The following DCC variants were observed in gnomAD, a reference collection of about 807,000 sequenced individuals.
DCC encodes the protein DCC netrin 1 receptor.
Under a neutral mutation model 172.5 loss-of-function variants are expected in DCC, and 58 were observed. The observed-to-expected ratio is 0.34, with a 90% CI of 0.27 to 0.42. The LOEUF (loss-of-function observed/expected upper bound fraction) is 0.42. Ranked by LOEUF, DCC falls within the 10% of genes least tolerant of loss-of-function variation. DCC has a pLI of 1.00. For synonymous variants in DCC, 709 were observed against 644.5 expected (o/e 1.10, Z -1.52); for missense variants, 1,740 against 1,791.0 (o/e 0.97, Z 0.51).
At chr18:52,847,044 G>C (rs767926619) in intron 2 of DCC, among the ~76,000 whole-genome samples, 8 of 152,158 alleles carry the variant, frequency 5.3e-5, no homozygotes, top group Non-Finnish European at 8.8e-5. Flanking sequence ...TTTTTAAATG[G>C]AACGCTTTCT....
At chr18:52,467,886 G>A (rs4641846) in intron 1 of DCC, among the ~76,000 whole-genome samples, 25,658 of 152,010 alleles carry the variant, frequency 0.17, 2,194 homozygotes, top group Middle Eastern at 0.27. Context: ...CCCACTTTAT[G>A]ATGGGACTGT....
At chr18:52,635,884 G>A (rs4402664) in intron 1 of DCC, among the ~76,000 whole-genome samples, 5,218 of 152,200 alleles carry the variant, frequency 0.034, 201 homozygotes, top group African/African-American at 0.096. Context: ...CAGAGCAGCC[G>A]GCAGCGGCTC....
intron 5 of DCC, among the ~76,000 whole-genome samples, chr18:52,970,139 T>A (rs1301759874): frequency 6.6e-6 from 1 of 152,152 alleles, no homozygotes; most frequent in African/African-American, 2.4e-5. Flanking sequence ...GATATATATT[T>A]ACATACCTAC....
intron 7 of DCC, among the ~76,000 whole-genome samples, chr18:53,089,594 AC>A (rs201068953): frequency 2.7e-5 from 3 of 110,694 alleles, no homozygotes; most frequent in South Asian, 2.6e-4. Flanking sequence ...AAACCAAAAA[AC>A]AAAAAACAAA....
chr18:53,282,371 T>A (rs541582959), intron 12 of DCC, among the ~76,000 whole-genome samples: 1 of 152,262 alleles, frequency 6.6e-6, no homozygotes, highest in African/African-American at 2.4e-5. Context: ...TCTCCTTTTT[T>A]ATCCCTTAAC....
intron 12 of DCC, among the ~76,000 whole-genome samples, chr18:53,231,573 A>G (rs2056122251): frequency 2.0e-5 from 3 of 152,100 alleles, no homozygotes; most frequent in African/African-American, 7.2e-5. Context: ...GGCTGTTTTT[A>G]TGATTAATTC....
chr18:52,874,099 A>G (rs2039364296), intron 2 of DCC, among the ~76,000 whole-genome samples: 1 of 152,170 alleles, frequency 6.6e-6, no homozygotes. Flanking sequence ...AGATGAAGTT[A>G]AATTCCTTAT....
rs762923561 is a variant in DCC at position 53,339,892 on chromosome 18, T to G, written c.2344T>G (p.Ser782Ala). The change falls in exon 15 of 29, where the codon TCC becomes GCC. Residue 782 changes from serine to alanine, a missense_variant. Ser to Ala is a moderately conservative substitution (Grantham distance 99). Coordinates refer to ENST00000442544, the MANE Select transcript of DCC (RefSeq NM_005215.4). ...TGTGGACAGCAAGCAGCGATATTAT[T>G]CCATTGAGAGGTTAGGTGAGTATCT... ...VRVDSKQRYYSIERLESSSHY... is the reference protein window; with the variant it reads ...VRVDSKQRYYAIERLESSSHY... 1.2e-6 allele frequency: 2 copies of G among 1,613,542 alleles called. No individual in the cohort carries two copies. The highest frequency in any genetic ancestry group is 1.7e-6 in the Non-Finnish European group (2 of 1,179,694).
intron 5 of DCC, among the ~76,000 whole-genome samples, chr18:52,927,450 C>A: frequency 6.6e-6 from 1 of 151,718 alleles, no homozygotes; most frequent in African/African-American, 2.4e-5. Context: ...GAAGTGAATA[C>A]TTTTGGTATC....
At chr18:53,389,511 A>T (rs1908406754) in intron 16 of DCC, among the ~76,000 whole-genome samples, 1 of 152,160 alleles carries the variant, frequency 6.6e-6, no homozygotes, top group African/African-American at 2.4e-5. Flanking sequence ...CAGGAAGTGA[A>T]TTTTTTGTTA....
intron 1 of DCC, among the ~76,000 whole-genome samples, chr18:52,641,212 A>T (rs147336441): frequency 6.6e-6 from 1 of 152,230 alleles, no homozygotes; most frequent in Non-Finnish European, 1.5e-5. Flanking sequence ...CATAAAAATC[A>T]ACTCAAGATG....
At chr18:53,221,836 G>A (rs1197829930) in intron 12 of DCC, among the ~76,000 whole-genome samples, 1 of 152,162 alleles carries the variant, frequency 6.6e-6, no homozygotes, top group Non-Finnish European at 1.5e-5. Flanking sequence ...AGGAAGAGAT[G>A]CCTCACTTCC....
At chr18:52,486,519 GAAAC>G (rs376496736) in intron 1 of DCC, among the ~76,000 whole-genome samples, 39 of 152,190 alleles carry the variant, frequency 2.6e-4, no homozygotes, top group East Asian at 1.2e-3. Flanking sequence ...TGATAGCAAA[GAAAC>G]AAACAATCAC....
intron 1 of DCC, among the ~76,000 whole-genome samples, chr18:52,478,626 T>C (rs978737703): frequency 1.3e-5 from 2 of 152,172 alleles, no homozygotes; most frequent in African/African-American, 4.8e-5. Context: ...GCTCAGCTTC[T>C]GGGGAAGCCT....
At chr18:53,153,338 G>C (rs1190471308) in intron 7 of DCC, among the ~76,000 whole-genome samples, 1 of 152,054 alleles carries the variant, frequency 6.6e-6, no homozygotes, top group Non-Finnish European at 1.5e-5. Flanking sequence ...TACTGATGAA[G>C]GAGGGATTTG....
In DCC at chr18:52,340,865, T is replaced by G; in HGVS notation, c.78T>G (p.His26Gln). The G allele has an allele frequency of 6.2e-7, 1 of 1,613,620 alleles. No individual in the cohort carries two copies. Among genetic ancestry groups the G allele is most frequent in the South Asian group, 1.1e-5 (1 of 91,070 alleles). ...TCGGAGCTTCCTTGTTCAGCGCGCA[T>G]CTTCAAGTAACCGGTAAGTGGCTCT... ...VLFGASLFSAHLQVTGFQIKA... is the reference protein window; with the variant it reads ...VLFGASLFSAQLQVTGFQIKA... The change falls in exon 1 of 29, where the codon CAT becomes CAG. Residue 26 changes from histidine to glutamine, a missense_variant. By Grantham distance (24) the His-to-Gln change is conservative (BLOSUM62 0). Around this residue, in one of 2 missense-constraint regions of DCC, gnomAD observed 1,732 missense variants for 1,767.4 expected, o/e 0.98. Coordinates refer to ENST00000442544, the MANE Select transcript of DCC (RefSeq NM_005215.4).
At chr18:53,193,124 C>T (rs1270517160) in intron 9 of DCC, among the ~76,000 whole-genome samples, 2 of 152,138 alleles carry the variant, frequency 1.3e-5, no homozygotes, top group Non-Finnish European at 2.9e-5. Context: ...CTCATCTGTG[C>T]CCCTTCAATT....
At chr18:52,756,004 T>C in intron 2 of DCC, among the ~76,000 whole-genome samples, 1 of 152,214 alleles carries the variant, frequency 6.6e-6, no homozygotes, top group East Asian at 1.9e-4. Flanking sequence ...TATCATTCCA[T>C]CCAACATTTT....
intron 5 of DCC, among the ~76,000 whole-genome samples, chr18:52,959,179 G>T (rs1053630220): frequency 1.3e-5 from 2 of 152,028 alleles, no homozygotes; most frequent in African/African-American, 4.8e-5. Context: ...AATAGGTCAA[G>T]AATTGAATCG....
Sources: allele counts gnomAD v4.1 joint callset (sites outside exome capture counted in the v4.1 genomes callset), GRCh38; gene constraint gnomAD v4.1.1; regional missense constraint gnomAD v4.1.1; transcripts MANE v1.5; gene names NCBI Gene and HGNC (gene_info 2026-07-23, HGNC 2026-07-21).